The following FOXP1 variants were observed in gnomAD, a reference collection of about 807,000 sequenced individuals.
FOXP1 encodes forkhead box P1.
Under a neutral mutation model 98.2 loss-of-function variants are expected in FOXP1, and 15 were observed. The ratio of observed to expected loss-of-function variants is 0.15; its 90% CI spans 0.10 to 0.24. The LOEUF is 0.24. Ranked by LOEUF, FOXP1 falls within the 10% of genes least tolerant of loss-of-function variation. FOXP1 has a pLI of 1.00. For synonymous variants in FOXP1, 371 were observed against 314.5 expected (o/e 1.18, Z -1.90); for missense variants, 633 against 848.5 (o/e 0.75, Z 3.15).
chr3:71,498,591 A>T (rs188590394), intron 2 of FOXP1, among the ~76,000 whole-genome samples: 1 of 152,318 alleles, frequency 6.6e-6, no homozygotes, highest in African/African-American at 2.4e-5. Flanking sequence ...CTATCCTAAA[A>T]AAAGAGGATT....
chr3:71,017,327 GAT>G (rs1317994827), intron 11 of FOXP1, among the ~76,000 whole-genome samples: 1 of 151,864 alleles, frequency 6.6e-6, no homozygotes, highest in Non-Finnish European at 1.5e-5. Context: ...AGAATTCTCA[GAT>G]ATTCTAAGAG....
intron 6 of FOXP1, among the ~76,000 whole-genome samples, chr3:71,126,025 T>G (rs1292659604): frequency 2.0e-5 from 3 of 152,174 alleles, no homozygotes; most frequent in Admixed American, 6.5e-5. Flanking sequence ...TCACACTCAA[T>G]AAGTAACAAG....
intron 5 of FOXP1, among the ~76,000 whole-genome samples, chr3:71,199,653 T>C (rs1056184132): frequency 1.3e-5 from 2 of 151,900 alleles, no homozygotes; most frequent in African/African-American, 2.4e-5. Flanking sequence ...GGCATGAGAA[T>C]TGCTTGAACC....
intron 3 of FOXP1, among the ~76,000 whole-genome samples, chr3:71,377,336 C>A (rs1202101436): frequency 6.6e-6 from 1 of 152,128 alleles, no homozygotes; most frequent in Non-Finnish European, 1.5e-5. Context: ...CAAAACAATA[C>A]TTGGAAATAT....
chr3:71,473,325 G>A (rs1402790452), intron 3 of FOXP1, among the ~76,000 whole-genome samples: 1 of 152,034 alleles, frequency 6.6e-6, no homozygotes, highest in Non-Finnish European at 1.5e-5. Context: ...GGCCCAATAT[G>A]CTCCCCTGAA....
chr3:71,251,029 AT>A (rs555134006), intron 5 of FOXP1, among the ~76,000 whole-genome samples: 1 of 152,352 alleles, frequency 6.6e-6, no homozygotes, highest in African/African-American at 2.4e-5. Flanking sequence ...AGTAAAAATT[AT>A]TTTTTATAAA....
intron 2 of FOXP1, among the ~76,000 whole-genome samples, chr3:71,544,614 A>G (rs941918046): frequency 6.6e-6 from 1 of 152,228 alleles, no homozygotes; most frequent in Non-Finnish European, 1.5e-5. Flanking sequence ...AAGACATTTA[A>G]AGACCACTCC....
chr3:71,173,621 G>T (rs780272119), intron 6 of FOXP1, among the ~76,000 whole-genome samples: 1 of 152,088 alleles, frequency 6.6e-6, no homozygotes, highest in South Asian at 2.1e-4. Context: ...TGAGGGTGGG[G>T]GTGTGGGTGA....
intron 7 of FOXP1, among the ~76,000 whole-genome samples, chr3:71,061,782 T>A (rs1393389650): frequency 6.6e-6 from 1 of 152,222 alleles, no homozygotes; most frequent in Non-Finnish European, 1.5e-5. Context: ...GATGTTCATC[T>A]ACAACTAAAC....
chr3:71,064,710 A>C (rs2052130293), intron 7 of FOXP1: 1 of 727,606 alleles, frequency 1.4e-6, no homozygotes. Context: ...TAAAAGACTC[A>C]ACTTCAGAAC....
intron 5 of FOXP1, among the ~76,000 whole-genome samples, chr3:71,291,712 A>ATTTTTT (rs11438381): frequency 8.0e-6 from 1 of 125,190 alleles, no homozygotes; most frequent in South Asian, 2.6e-4. Context: ...CTTATTCTGT[A>ATTTTTT]TTTTTTTTTT....
intron 13 of FOXP1, among the ~76,000 whole-genome samples, chr3:70,991,776 G>A (rs916792695): frequency 5.9e-5 from 9 of 152,162 alleles, no homozygotes. Flanking sequence ...GGAAACTGAG[G>A]TTTGCAAGGT....
intron 7 of FOXP1, among the ~76,000 whole-genome samples, chr3:71,094,724 A>T (rs1020488954): frequency 3.9e-5 from 6 of 152,200 alleles, no homozygotes; most frequent in African/African-American, 7.2e-5. Flanking sequence ...ACAGTCCAGC[A>T]GTTCCAGAGG....
chr3:71,547,972 TACAA>T (rs1448757697), intron 2 of FOXP1, among the ~76,000 whole-genome samples: 2 of 152,308 alleles, frequency 1.3e-5, no homozygotes, highest in East Asian at 1.9e-4. Flanking sequence ...CCCAGGTCAG[TACAA>T]ACAGTCAATT....
At chr3:71,559,868 G>A (rs1286990135) in intron 2 of FOXP1, among the ~76,000 whole-genome samples, 1 of 151,954 alleles carries the variant, frequency 6.6e-6, no homozygotes, top group Non-Finnish European at 1.5e-5. Flanking sequence ...GGGTTGCGGG[G>A]GGGACCTACT....
chr3:71,227,191 T>A (rs988194403), intron 5 of FOXP1, among the ~76,000 whole-genome samples: 1 of 152,098 alleles, frequency 6.6e-6, no homozygotes, highest in Admixed American at 6.5e-5. Context: ...CACGCGACCA[T>A]GGTGACATCG....
At chr3:71,102,869 T>C (rs755304304) in intron 7 of FOXP1, among the ~76,000 whole-genome samples, 4 of 152,176 alleles carry the variant, frequency 2.6e-5, no homozygotes, top group Non-Finnish European at 4.4e-5. Flanking sequence ...GAATCCCAGC[T>C]CTGCCACTTA....
chr3:71,088,941 C>T (rs1224940074), intron 7 of FOXP1, among the ~76,000 whole-genome samples: 1 of 152,166 alleles, frequency 6.6e-6, no homozygotes, highest in African/African-American at 2.4e-5. Flanking sequence ...TGGCCAATGA[C>T]CTTACGCCAA....
At chr3:71,271,402 T>A (rs182797199) in intron 5 of FOXP1, among the ~76,000 whole-genome samples, 10 of 152,310 alleles carry the variant, frequency 6.6e-5, no homozygotes, top group Admixed American at 5.9e-4. Context: ...AAGAAAGAAT[T>A]GCTGCCCACC....
Sources: allele counts gnomAD v4.1 joint callset (sites outside exome capture counted in the v4.1 genomes callset), GRCh38; gene constraint gnomAD v4.1.1; transcripts MANE v1.5; gene names NCBI Gene and HGNC (gene_info 2026-07-23, HGNC 2026-07-21).